Variants in CNBD1 observed in about 807,000 individuals in gnomAD.
The protein encoded by CNBD1 is cyclic nucleotide binding domain containing 1.
A neutral mutation model predicts 54.4 loss-of-function variants in CNBD1; 71 were observed. The ratio of observed to expected loss-of-function variants is 1.30; its 90% confidence interval spans 1.08 to 1.59. CNBD1 has a LOEUF of 1.59. Among genes scored for constraint, CNBD1 ranks in the 40% most tolerant of loss-of-function variants. The pLI is 0.00. For synonymous variants in CNBD1, 182 were observed against 170.7 expected, an observed-to-expected ratio of 1.07 and a Z score of -0.51; for missense variants, 659 against 518.0, an observed-to-expected ratio of 1.27 and a Z score of -2.64.
intron 8 of CNBD1, among the ~76,000 whole-genome samples, chr8:87,290,388 C>T (rs1020144175): frequency 2.0e-5 from 3 of 152,018 alleles, no homozygotes; most frequent in African/African-American, 7.2e-5. Context: ...TTTTCTCCCA[C>T]CTGCTTTCTT....
intron 4 of CNBD1, among the ~76,000 whole-genome samples, chr8:87,033,588 G>A (rs1289998062): frequency 6.6e-6 from 1 of 152,118 alleles, no homozygotes. Flanking sequence ...CAAATGAATT[G>A]CACAAAACTG....
intron 10 of CNBD1, among the ~76,000 whole-genome samples, chr8:87,354,821 G>A (rs553560628): frequency 6.6e-6 from 1 of 152,238 alleles, no homozygotes; most frequent in Non-Finnish European, 1.5e-5. Context: ...GGACATTTGG[G>A]TTGGTTCCAA....
chr8:87,098,072 G>GTGTAA (rs1396474167), intron 4 of CNBD1, among the ~76,000 whole-genome samples: 1 of 152,132 alleles, frequency 6.6e-6, no homozygotes, highest in East Asian at 1.9e-4. Flanking sequence ...CTGCAAAATA[G>GTGTAA]TGTAATATGC....
chr8:86,960,727 A>T (rs558945628), intron 4 of CNBD1, among the ~76,000 whole-genome samples: 1 of 152,172 alleles, frequency 6.6e-6, no homozygotes, highest in African/African-American at 2.4e-5. Flanking sequence ...ACTGGGAGAC[A>T]TCTCCCAGTG....
At chr8:87,108,540 T>C (rs890494130) in intron 4 of CNBD1, among the ~76,000 whole-genome samples, 8 of 152,198 alleles carry the variant, frequency 5.3e-5, no homozygotes, top group African/African-American at 1.9e-4. Flanking sequence ...GTGACTCTAA[T>C]ACACATCTCT....
chr8:86,920,831 A>G (rs1004540566), intron 3 of CNBD1, among the ~76,000 whole-genome samples: 2 of 152,198 alleles, frequency 1.3e-5, no homozygotes, highest in Admixed American at 6.5e-5. Context: ...AGCAGTAAAC[A>G]TGTAGCTTTG....
intron 10 of CNBD1, among the ~76,000 whole-genome samples, chr8:87,362,177 A>G (rs1482821800): frequency 2.0e-5 from 3 of 152,088 alleles, no homozygotes; most frequent in Non-Finnish European, 4.4e-5. Flanking sequence ...GTCCACTGCA[A>G]TGCCTGTGAG....
chr8:87,169,691 C>T (rs1813045591), intron 4 of CNBD1, among the ~76,000 whole-genome samples: 1 of 151,994 alleles, frequency 6.6e-6, no homozygotes, highest in African/African-American at 2.4e-5. Context: ...ATGTTCTTGA[C>T]ACCTTTATTG....
intron 4 of CNBD1, among the ~76,000 whole-genome samples, chr8:86,962,098 A>G (rs1276496436): frequency 1.4e-5 from 2 of 147,780 alleles, no homozygotes; most frequent in African/African-American, 5.3e-5. Context: ...CTCCATGAGG[A>G]AAACAGAGGT....
chr8:87,354,530 A>T (rs1810382074), intron 10 of CNBD1, among the ~76,000 whole-genome samples: 1 of 151,934 alleles, frequency 6.6e-6, no homozygotes, highest in Non-Finnish European at 1.5e-5. Flanking sequence ...AGCATTAGGT[A>T]TATCTCCTAT....
chr8:87,361,511 TTATCAATGCTTACAAA>T (rs1371319480), intron 10 of CNBD1, among the ~76,000 whole-genome samples: 1 of 151,824 alleles, frequency 6.6e-6, no homozygotes, highest in African/African-American at 2.4e-5. Flanking sequence ...ATAAATTACA[TTATCAATGCTTACAAA>T]TATTGATATC....
intron 8 of CNBD1, among the ~76,000 whole-genome samples, chr8:87,339,688 C>A (rs1810025777): frequency 6.6e-6 from 1 of 151,864 alleles, no homozygotes; most frequent in Non-Finnish European, 1.5e-5. Flanking sequence ...ATATATATTT[C>A]CTTTTTTCCT....
intron 4 of CNBD1, among the ~76,000 whole-genome samples, chr8:87,029,453 TTA>T (rs1809732079): frequency 1.3e-5 from 2 of 152,184 alleles, no homozygotes; most frequent in Admixed American, 1.3e-4. Flanking sequence ...TTTTGTGTAG[TTA>T]TGTCACATAG....
intron 4 of CNBD1, among the ~76,000 whole-genome samples, chr8:87,150,832 G>A (rs7829967): frequency 6.6e-6 from 1 of 152,152 alleles, no homozygotes; most frequent in Non-Finnish European, 1.5e-5. Flanking sequence ...ATATTTCAAA[G>A]AGATAGCTCT....
At chr8:87,191,863 A>G (rs1022592140) in intron 4 of CNBD1, among the ~76,000 whole-genome samples, 2 of 152,200 alleles carry the variant, frequency 1.3e-5, no homozygotes, top group African/African-American at 4.8e-5. Context: ...TTAAAAGTGG[A>G]GAGAGAATCA....
intron 4 of CNBD1, among the ~76,000 whole-genome samples, chr8:87,131,666 A>G (rs901360332): frequency 6.6e-6 from 1 of 152,018 alleles, no homozygotes; most frequent in Non-Finnish European, 1.5e-5. Context: ...TTTGATTCGT[A>G]CATCTTTTTG....
intron 8 of CNBD1, among the ~76,000 whole-genome samples, chr8:87,342,128 C>A (rs1423664630): frequency 2.0e-5 from 3 of 152,050 alleles, no homozygotes; most frequent in Non-Finnish European, 4.4e-5. Context: ...AAAAAATTAG[C>A]CGGGCATGGT....
At chr8:87,025,193 A>G (rs1809611013) in intron 4 of CNBD1, among the ~76,000 whole-genome samples, 1 of 152,092 alleles carries the variant, frequency 6.6e-6, no homozygotes, top group African/African-American at 2.4e-5. Context: ...TGGACCAATC[A>G]GCACTCTGTA....
chr8:87,344,165 C>A (rs956735846), intron 8 of CNBD1, among the ~76,000 whole-genome samples: 1 of 151,718 alleles, frequency 6.6e-6, no homozygotes, highest in Non-Finnish European at 1.5e-5. Context: ...GTTATTTAAC[C>A]CAACATAATG....
Sources: allele counts gnomAD v4.1 joint callset (sites outside exome capture counted in the v4.1 genomes callset), GRCh38; gene constraint gnomAD v4.1.1; transcripts MANE v1.5; gene names NCBI Gene and HGNC (gene_info 2026-07-23, HGNC 2026-07-21).